Variants in CTNND2 observed in about 807,000 individuals in gnomAD.
The protein encoded by CTNND2 is catenin delta-2.
Under a neutral mutation model 144.4 loss-of-function variants are expected in CTNND2, and 22 were observed. The ratio of observed to expected loss-of-function variants is 0.15; its 90% CI spans 0.11 to 0.22. The LOEUF (loss-of-function observed/expected upper bound fraction) is 0.22, where lower values mean the gene tolerates loss of function less well. Among genes scored for constraint, CTNND2 ranks in the 10% least tolerant of loss-of-function variants. CTNND2 has a pLI of 1.00. For synonymous variants in CTNND2, 751 were observed against 695.6 expected, an observed-to-expected ratio of 1.08 and a Z score of -1.25; for missense variants, 1,353 against 1,618.8, an observed-to-expected ratio of 0.84 and a Z score of 2.82.
At chr5:11,458,683 C>A (rs1200341171) in intron 3 of CTNND2, among the ~76,000 whole-genome samples, 1 of 152,212 alleles carries the variant, frequency 6.6e-6, no homozygotes, top group Non-Finnish European at 1.5e-5. Context: ...TTCAGTTCTA[C>A]TTCCCTCTTG....
chr5:11,380,986 C>T (rs187249785), intron 7 of CTNND2, among the ~76,000 whole-genome samples: 3 of 152,132 alleles, frequency 2.0e-5, no homozygotes, highest in African/African-American at 7.2e-5. Context: ...CCAGACCACC[C>T]GGTCCCTCTG....
At chr5:11,512,829 T>TCACAC (rs1771778902) in intron 3 of CTNND2, among the ~76,000 whole-genome samples, 1 of 152,178 alleles carries the variant, frequency 6.6e-6, no homozygotes. Context: ...GACTGCATGG[T>TCACAC]ACATTCATTA....
intron 2 of CTNND2, among the ~76,000 whole-genome samples, chr5:11,710,991 G>C (rs1267912556): frequency 6.6e-6 from 1 of 152,102 alleles, no homozygotes; most frequent in Admixed American, 6.6e-5. Context: ...TTTCCTTCCA[G>C]TGTGTTCTTA....
intron 12 of CTNND2, among the ~76,000 whole-genome samples, chr5:11,135,734 C>T (rs1241602333): frequency 6.6e-6 from 1 of 152,162 alleles, no homozygotes; most frequent in Non-Finnish European, 1.5e-5. Flanking sequence ...TCTTTATTTT[C>T]CACATGGACA....
At chr5:11,789,942 T>C (rs75820688) in intron 1 of CTNND2, among the ~76,000 whole-genome samples, 3,304 of 152,328 alleles carry the variant, frequency 0.022, 102 homozygotes, top group African/African-American at 0.076. Context: ...CAAATGTATG[T>C]TGAACATCTG....
intron 21 of CTNND2, among the ~76,000 whole-genome samples, chr5:10,975,799 A>T (rs572818347): frequency 6.6e-6 from 1 of 152,342 alleles, no homozygotes; most frequent in East Asian, 1.9e-4. Flanking sequence ...GGACATCTTC[A>T]GGAGGAGTCA....
At chr5:11,898,069 G>C (rs186624860) in intron 1 of CTNND2, among the ~76,000 whole-genome samples, 1 of 152,188 alleles carries the variant, frequency 6.6e-6, no homozygotes, top group Non-Finnish European at 1.5e-5. Flanking sequence ...TGTCCCTGTG[G>C]GGAGGGAGGA....
intron 3 of CTNND2, among the ~76,000 whole-genome samples, chr5:11,538,218 T>C (rs1774399827): frequency 6.6e-6 from 1 of 152,214 alleles, no homozygotes; most frequent in South Asian, 2.1e-4. Context: ...TTTATTAGAA[T>C]AGTTTAGAAG....
chr5:11,562,916 G>T (rs2530910), intron 3 of CTNND2, among the ~76,000 whole-genome samples: 56,309 of 152,014 alleles, frequency 0.37, 10,961 homozygotes, highest in African/African-American at 0.49. Flanking sequence ...AAAACTATAC[G>T]GCTCTCACTG....
intron 9 of CTNND2, among the ~76,000 whole-genome samples, chr5:11,327,618 C>T (rs1752660194): frequency 6.6e-6 from 1 of 152,130 alleles, no homozygotes; most frequent in Non-Finnish European, 1.5e-5. Flanking sequence ...TATTATGCCA[C>T]TGATGTTATA....
intron 3 of CTNND2, among the ~76,000 whole-genome samples, chr5:11,423,099 G>GT (rs1762498389): frequency 6.6e-6 from 1 of 152,358 alleles, no homozygotes; most frequent in South Asian, 2.1e-4. Flanking sequence ...TTGGAATGTA[G>GT]TAAGTTGAAA....
At chr5:11,847,792 A>G (rs1315924490) in intron 1 of CTNND2, among the ~76,000 whole-genome samples, 1 of 152,142 alleles carries the variant, frequency 6.6e-6, no homozygotes, top group Non-Finnish European at 1.5e-5. Flanking sequence ...TAAATTTAAA[A>G]AGAAATTAAC....
At position 11,501,439 on chromosome 5, in the gene CTNND2, C is replaced by T. The variant is rs572827302; in HGVS notation, c.287+63505G>A. Reference sequence around the variant, plus strand: ...TGGGAAGTGACTACTGGGTCTCTCACCTGACCAGTGACCACCCAAGCTCAA... The same window carrying T: ...TGGGAAGTGACTACTGGGTCTCTCATCTGACCAGTGACCACCCAAGCTCAA... On this transcript the variant is annotated intron_variant, in intron 3 of 21. Transcript: ENST00000304623. 2.0e-5 allele frequency among the ~76,000 whole-genome samples: 3 copies of T among 152,318 alleles called. No homozygotes were observed. The South Asian group carries it at 6.2e-4, about 32-fold the overall frequency.
intron 11 of CTNND2, among the ~76,000 whole-genome samples, chr5:11,178,259 C>T (rs1327620666): frequency 6.6e-6 from 1 of 152,180 alleles, no homozygotes; most frequent in East Asian, 1.9e-4. Context: ...AAGTCTGCTA[C>T]TGACCTAAGC....
Position 11,385,020 on chromosome 5 carries a change from G to T in CTNND2, c.822C>A (p.Gly274=), listed in dbSNP as rs1272606890. 1.6e-6 allele frequency: 2 copies of T among 1,235,892 alleles called. No individual in the cohort carries two copies. Among genetic ancestry groups the T allele is most frequent in the African/African-American group, 3.2e-5 (2 of 63,322 alleles). The allele number at this position is 1,235,892 out of a possible 1,614,324, so 76.6% of individuals were successfully genotyped here. A position where few individuals can be genotyped will look rare whatever the true frequency, so the allele number is the denominator to read the frequency against. The change falls in exon 7 of 22, where the codon GGC becomes GGA. Residue 274 remains glycine (G), a synonymous_variant. Transcript: ENST00000304623. ...CGCGCTGCAGCTTGGTGGGCGAACCGCCCTGGGGCGCGGCCAGCGGGGAGC... is the reference window on the plus strand; with the variant it reads ...CGCGCTGCAGCTTGGTGGGCGAACCTCCCTGGGGCGCGGCCAGCGGGGAGC... ...RGGSPLAAPQ[G]GSPTKLQRGG...
intron 3 of CTNND2, among the ~76,000 whole-genome samples, chr5:11,511,200 G>A (rs763486478): frequency 1.3e-4 from 20 of 152,198 alleles, no homozygotes; most frequent in Non-Finnish European, 2.5e-4. Flanking sequence ...CTCAGAAAGT[G>A]TTAAAGGTCA....
chr5:10,995,453 G>A (rs1739240510), intron 18 of CTNND2, among the ~76,000 whole-genome samples: 2 of 152,288 alleles, frequency 1.3e-5, no homozygotes, highest in Middle Eastern at 3.4e-3. Flanking sequence ...TCCTCGTGAC[G>A]GGGACAAAAG....
intron 3 of CTNND2, among the ~76,000 whole-genome samples, chr5:11,469,211 T>A (rs1766934904): frequency 6.6e-6 from 1 of 152,204 alleles, no homozygotes; most frequent in Non-Finnish European, 1.5e-5. Context: ...TAAAACAAAG[T>A]TGCATGTGAT....
intron 11 of CTNND2, among the ~76,000 whole-genome samples, chr5:11,194,925 A>G (rs528049399): frequency 6.6e-6 from 1 of 152,330 alleles, no homozygotes; most frequent in South Asian, 2.1e-4. Context: ...AGTCACAGAA[A>G]AATTGGGGGA....
Sources: allele counts gnomAD v4.1 joint callset (sites outside exome capture counted in the v4.1 genomes callset), GRCh38; gene constraint gnomAD v4.1.1; transcripts MANE v1.5; gene names NCBI Gene and HGNC (gene_info 2026-07-23, HGNC 2026-07-21).